Variants in MAN1B1 observed in about 807,000 individuals in gnomAD.
MAN1B1 encodes the protein mannosidase alpha class 1B member 1.
Under a neutral mutation model 75.5 loss-of-function variants are expected in MAN1B1, and 66 were observed. The ratio of observed to expected loss-of-function variants is 0.87; its 90% CI spans 0.72 to 1.07. MAN1B1 has a LOEUF of 1.07. Among genes scored for constraint, MAN1B1 ranks in the 50% least tolerant of loss-of-function variants. The pLI is 0.00. For missense variants in MAN1B1, 973 were observed against 912.5 expected, an observed-to-expected ratio of 1.07 and a Z score of -0.85; for synonymous variants, 453 against 382.8, an observed-to-expected ratio of 1.18 and a Z score of -2.14.
chr9:137,101,589 T>C lies in MAN1B1; in HGVS notation c.1171T>C (p.Ser391Pro). The C allele has an allele frequency of 1.2e-6, 2 of 1,613,880 alleles. No individual in the cohort carries two copies. Among genetic ancestry groups the C allele is most frequent in the South Asian group, 2.2e-5 (2 of 91,088 alleles). ...TGVAHPPRWT[S>P]DSTVAEVTSI... is the part of the protein sequence containing the mutation. ...AGTTGCCCACCCGCCACGGTGGACC[T>C]CCGACAGCACTGTGGCCGAGGTGAC... Residue 391 changes from serine (S) to proline (P), a missense_variant, in exon 8 of 13, where the codon TCC (serine) becomes CCC (proline). Physicochemically the swap from Ser to Pro is moderately conservative, Grantham distance 74. Coordinates refer to ENST00000371589, the MANE Select transcript of MAN1B1 (RefSeq NM_016219.5).
At chr9:137,102,551 C>G (rs985764361) in intron 8 of MAN1B1, 1 of 224,084 alleles carries the variant, frequency 4.5e-6, no homozygotes, top group Non-Finnish European at 1.1e-5. Context: ...GGTGGTGTTA[C>G]ACACATTCAC....
chr9:137,107,240 C>G lies in MAN1B1; in HGVS notation c.1567-10C>G. The G allele has an allele frequency of 6.2e-7, 1 of 1,612,440 alleles. No individual in the cohort carries two copies. Among genetic ancestry groups the G allele is most frequent in the Non-Finnish European group, 8.5e-7 (1 of 1,179,654 alleles). On this transcript the variant is annotated splice_polypyrimidine_tract_variant and intron_variant, in intron 10 of 12. Coordinates refer to ENST00000371589, the MANE Select transcript of MAN1B1 (RefSeq NM_016219.5). ...TGGGATCTGGGGCTGAAGAGACCCT[C>G]TGATTCCAGGACCACCTGGTGTGCT...
intron 9 of MAN1B1, 25 bp downstream of exon 9, chr9:137,106,340 GCT>G: frequency 6.5e-7 from 1 of 1,538,922 alleles, no homozygotes; most frequent in East Asian, 2.5e-5. Flanking sequence ...GCTGCCCCCA[GCT>G]CCCGCGGCTC....
chr9:137,101,091 A>G lies in MAN1B1; in HGVS notation c.1003A>G (p.Ile335Val), dbSNP rs1306981831. The G allele has an allele frequency of 1.5e-5, 24 of 1,614,036 alleles. No individual in the cohort carries two copies. The highest frequency in any genetic ancestry group is 5.0e-5 in the Admixed American group (3 of 60,008). ...DVNLFESTIR[I>V]LGGLLSAYHL... Reference sequence around the variant, plus strand: ...CAACCTGTTTGAGAGCACGATCCGCATCCTGGGGGGGCTCCTGAGTGCCTA... The same window carrying G: ...CAACCTGTTTGAGAGCACGATCCGCGTCCTGGGGGGGCTCCTGAGTGCCTA... Residue 335 changes from isoleucine to valine, a missense_variant, in exon 7 of 13, where the codon ATC becomes GTC. Ile to Val is a conservative substitution (Grantham distance 29). Transcript: ENST00000371589.
chr9:137,099,659 A>G, intron 5 of MAN1B1, 37 bp from the exon 6 acceptor site: 1 of 1,611,014 alleles, frequency 6.2e-7, no homozygotes, highest in African/African-American at 1.3e-5. Flanking sequence ...CGCCAGGACC[A>G]CGTCCGCCAT....
Position 137,099,676 on chromosome 9 carries a change from T to C in MAN1B1, c.731-20T>C. On this transcript the variant is annotated intron_variant, in intron 5 of 12. Transcript: ENST00000371589. ...CCAGGACCACGTCCGCCATGGCCTG[T>C]GCTCTCTCCCCCCTACTAGTGCATC... The C allele has an allele frequency of 6.2e-7, 1 of 1,613,858 alleles. No homozygotes were observed. The highest frequency in any genetic ancestry group is 8.5e-7 in the Non-Finnish European group (1 of 1,179,904).
At position 137,106,777 on chromosome 9, in the gene MAN1B1, G is replaced by A. The variant is rs1019982716; in HGVS notation, c.1534G>A (p.Glu512Lys). ...SEPSKLTFVG[E>K]LAHGRFSAKM... ...GCCCAGTAAGCTCACCTTTGTGGGG[G>A]AGCTTGCCCACGGCCGCTTCAGTGC... The change falls in exon 10 of 13, where the codon GAG (glutamate) becomes AAG (lysine). Residue 512 changes from glutamate to lysine, a missense_variant. Transcript: ENST00000371589. 6.2e-7 allele frequency: 1 copy of A among 1,613,460 alleles called. No individual in the cohort carries two copies.
At chr9:137,099,932 T>A (rs1199799552) in intron 6 of MAN1B1, 51 bp downstream of exon 6, 1 of 1,598,346 alleles carries the variant, frequency 6.3e-7, no homozygotes, top group South Asian at 1.1e-5. Context: ...GGGCCTCGTG[T>A]GCTGAGGCAG....
chr9:137,102,440 C>G (rs1830876581), intron 8 of MAN1B1: 1 of 419,804 alleles, frequency 2.4e-6, no homozygotes, highest in African/African-American at 2.5e-5. Flanking sequence ...TACATTCACA[C>G]TGTTGCAGGC....
Position 137,106,623 on chromosome 9 carries a change from T to G in MAN1B1, c.1446-66T>G, listed in dbSNP as rs547624118. ...CTTGTGTGGGCCCAGGATGTGCCTG[T>G]CCCTGGTGCCCCACGGGAGCCGATG... On this transcript the variant is annotated intron_variant, in intron 9 of 12. Transcript: ENST00000371589. 2.4e-4 allele frequency: 389 copies of G among 1,608,544 alleles called. 6 individuals are homozygous for G. The South Asian group carries it at 4.1e-3, about 17-fold the overall frequency.
At chr9:137,102,033 A>C (rs1830834243) in intron 8 of MAN1B1, 1 of 466,804 alleles carries the variant, frequency 2.1e-6, no homozygotes, top group South Asian at 1.6e-5. Flanking sequence ...GCAGGCGTGC[A>C]GGTTGGTGCT....
chr9:137,099,748 G>A lies in MAN1B1; in HGVS notation c.783G>A (p.Trp261Ter). The part of the protein sequence containing the change: ...KGVIDVFLHA[W>*]KGYRKFAWGH... ...TGATTGACGTCTTCCTGCATGCATG[G>A]AAAGGATACCGCAAGTTTGCATGGG... The change falls in exon 6 of 13, where the codon TGG (tryptophan) becomes TGA (stop). Residue 261 changes from tryptophan to a stop codon, truncating the protein, a stop_gained. Transcript: ENST00000371589. LOFTEE classifies it high-confidence loss of function. 6.2e-7 allele frequency: 1 copy of A among 1,614,248 alleles called. No homozygotes were observed. The highest frequency in any genetic ancestry group is 8.5e-7 in the Non-Finnish European group (1 of 1,180,054).
intron 8 of MAN1B1, chr9:137,102,076 G>T (rs746198859): frequency 2.0e-5 from 9 of 441,688 alleles, no homozygotes; most frequent in Non-Finnish European, 4.0e-5. Context: ...AGTACAGGTC[G>T]GTGGTGTTAC....
intron 2 of MAN1B1, 185 bp from the exon 3 acceptor site, chr9:137,088,684 A>G: frequency 1.3e-6 from 1 of 771,626 alleles, no homozygotes; most frequent in Non-Finnish European, 2.1e-6. Context: ...ACAAGGACAC[A>G]AACTGCCAAG....
At chr9:137,104,206 T>C (rs1831012884) in intron 8 of MAN1B1, 2 of 389,272 alleles carry the variant, frequency 5.1e-6, no homozygotes, top group South Asian at 1.9e-5. Context: ...GAGTTCCTCG[T>C]GTGAGTGCAG....
intron 3 of MAN1B1, chr9:137,094,487 C>T: frequency 5.6e-6 from 2 of 359,618 alleles, no homozygotes; most frequent in Non-Finnish European, 5.7e-6. Flanking sequence ...CATCTGTCAT[C>T]CCAGCACTTT....
At chr9:137,089,885 G>A (rs990802777) in intron 3 of MAN1B1, among the ~76,000 whole-genome samples, 3 of 152,152 alleles carry the variant, frequency 2.0e-5, no homozygotes, top group Non-Finnish European at 4.4e-5. Flanking sequence ...CCCACTGTGA[G>A]ATGTCTGGGA....
Position 137,108,390 on chromosome 9 carries a change from C to T in MAN1B1, c.1899C>T (p.Val633=), listed in dbSNP as rs751412528. The T allele has an allele frequency of 6.2e-6, 10 of 1,613,380 alleles. No individual in the cohort carries two copies. Among genetic ancestry groups the T allele is most frequent in the African/African-American group, 5.3e-5 (4 of 74,914 alleles). ...ACGAGGCCCTGGCTGCTGCACAGGT[C>T]CCCTCGGGTGGCTATTCTTCCATCA... ...ILQSFSRFTR[V]PSGGYSSINN... is the part of the protein sequence containing the mutation. The change falls in exon 13 of 13, where the codon GTC becomes GTT. Residue 633 remains valine, a splice_region_variant and synonymous_variant. Coordinates refer to ENST00000371589, the MANE Select transcript of MAN1B1 (RefSeq NM_016219.5).
intron 8 of MAN1B1, chr9:137,102,654 A>T (rs1383791020): frequency 4.5e-6 from 2 of 440,010 alleles, no homozygotes; most frequent in South Asian, 3.2e-5. Context: ...GCTGGCGTGC[A>T]GGTCGGTGGT....
Sources: allele counts gnomAD v4.1 joint callset (sites outside exome capture counted in the v4.1 genomes callset), GRCh38; gene constraint gnomAD v4.1.1; transcripts MANE v1.5; gene names NCBI Gene and HGNC (gene_info 2026-07-23, HGNC 2026-07-21).